The following EVA1C variants were observed in gnomAD, a reference collection of about 807,000 sequenced individuals.
The protein encoded by EVA1C is eva-1 homolog C.
In EVA1C, 25 loss-of-function variants were observed where a neutral mutation model predicts 45.4. That is an observed-to-expected ratio of 0.55 (90% CI 0.40 to 0.77). EVA1C has a LOEUF of 0.77. Ranked by LOEUF, EVA1C falls within the 30% of genes least tolerant of loss-of-function variation. The pLI is 0.00. For synonymous variants in EVA1C, 190 were observed against 221.2 expected, an observed-to-expected ratio of 0.86 and a Z score of 1.25; for missense variants, 479 against 554.8, an observed-to-expected ratio of 0.86 and a Z score of 1.37.
chr21:32,458,305 C>A (rs911426620), intron 3 of EVA1C, among the ~76,000 whole-genome samples: 1 of 152,102 alleles, frequency 6.6e-6, no homozygotes, highest in African/African-American at 2.4e-5. Context: ...ATTTCTAATA[C>A]GCATCAGCTT....
chr21:32,470,961 G>A (rs2146313106), intron 4 of EVA1C, among the ~76,000 whole-genome samples: 1 of 152,044 alleles, frequency 6.6e-6, no homozygotes, highest in Admixed American at 6.6e-5. Flanking sequence ...GTTGCACTGT[G>A]TTGGCCAGGC....
intron 7 of EVA1C, among the ~76,000 whole-genome samples, chr21:32,508,010 C>G (rs1306533470): frequency 6.7e-6 from 1 of 149,972 alleles, no homozygotes; most frequent in Non-Finnish European, 1.5e-5. Context: ...TGTGTGTACG[C>G]ATGCATGTGT....
intron 7 of EVA1C, among the ~76,000 whole-genome samples, chr21:32,507,959 G>A (rs987955908): frequency 6.7e-6 from 1 of 150,030 alleles, no homozygotes; most frequent in Non-Finnish European, 1.5e-5. Flanking sequence ...TTGTGTGTGT[G>A]TGTATCTGTA....
intron 3 of EVA1C, among the ~76,000 whole-genome samples, chr21:32,458,907 T>G (rs2035892451): frequency 6.6e-6 from 1 of 151,948 alleles, no homozygotes; most frequent in Non-Finnish European, 1.5e-5. Context: ...CAGACTTATG[T>G]GGGGAGAGGT....
At chr21:32,437,980 G>A (rs2035026802) in intron 1 of EVA1C, among the ~76,000 whole-genome samples, 1 of 152,276 alleles carries the variant, frequency 6.6e-6, no homozygotes, top group South Asian at 2.1e-4. Context: ...CACGGCCCCC[G>A]GTCTTTCCTG....
At chr21:32,477,021 G>A (rs1401604965) in intron 4 of EVA1C, among the ~76,000 whole-genome samples, 2 of 152,012 alleles carry the variant, frequency 1.3e-5, no homozygotes, top group Non-Finnish European at 2.9e-5. Flanking sequence ...CTTCCCAACC[G>A]CCCCATCATC....
rs34623485 is a variant in EVA1C at position 32,467,905 on chromosome 21, A to AATATAT, written c.634+68_634+73dup. The AATATAT allele has an allele frequency of 2.5e-3, 2,563 of 1,024,982 alleles. 48 individuals carry two copies. The Admixed American group carries it at 0.029, about 12-fold the overall frequency. 63.5% of individuals were successfully genotyped at this position (1,024,982 alleles called of 1,614,324 possible). A position where few individuals can be genotyped will look rare whatever the true frequency, so the allele number is the denominator to read the frequency against. ...TTCTCTAGAGGGACAGAATTAATAG[A>AATATAT]ATATATATATATATATCCTATATAT... On this transcript the variant is annotated intron_variant, in intron 4 of 7. Coordinates refer to ENST00000300255, the MANE Select transcript of EVA1C (RefSeq NM_058187.5).
At chr21:32,490,203 A>C (rs924317969) in intron 4 of EVA1C, among the ~76,000 whole-genome samples, 2 of 152,012 alleles carry the variant, frequency 1.3e-5, no homozygotes, top group African/African-American at 4.8e-5. Context: ...TGACAATCGC[A>C]ACTCAAAACC....
chr21:32,498,685 C>G (rs1214723230), intron 5 of EVA1C, among the ~76,000 whole-genome samples: 1 of 152,114 alleles, frequency 6.6e-6, no homozygotes, highest in Non-Finnish European at 1.5e-5. Context: ...TAGCTGCACA[C>G]TAGCTGCACA....
intron 3 of EVA1C, among the ~76,000 whole-genome samples, chr21:32,461,146 G>A (rs2146280352): frequency 6.6e-6 from 1 of 152,346 alleles, no homozygotes; most frequent in South Asian, 2.1e-4. Flanking sequence ...CAGAAAGAGT[G>A]CTCCATACGG....
chr21:32,500,190 A>ATTTTTT (rs538897939), intron 5 of EVA1C, among the ~76,000 whole-genome samples: 14 of 91,094 alleles, frequency 1.5e-4, no homozygotes, highest in Non-Finnish European at 2.4e-4. Flanking sequence ...TAACCACCCT[A>ATTTTTT]TTTTTTTTTT....
At chr21:32,441,986 CT>C (rs1419484524) in intron 1 of EVA1C, among the ~76,000 whole-genome samples, 2 of 152,138 alleles carry the variant, frequency 1.3e-5, no homozygotes, top group Non-Finnish European at 2.9e-5. Flanking sequence ...CACAAGGGGT[CT>C]CAAGGGCCAG....
chr21:32,476,813 A>T (rs1172291447), intron 4 of EVA1C, among the ~76,000 whole-genome samples: 1 of 151,892 alleles, frequency 6.6e-6, no homozygotes, highest in Non-Finnish European at 1.5e-5. Context: ...TGGGACACAC[A>T]CTCCTGAGCA....
chr21:32,477,711 ACGCCC>A (rs1344343798), intron 4 of EVA1C, among the ~76,000 whole-genome samples: 1 of 64,226 alleles, frequency 1.6e-5, no homozygotes, highest in Admixed American at 2.1e-4. Flanking sequence ...CCTCCCCCGT[ACGCCC>A]TCACCTCCCC....
At chr21:32,425,921 G>A (rs1193632802) in intron 1 of EVA1C, among the ~76,000 whole-genome samples, 6 of 151,738 alleles carry the variant, frequency 4.0e-5, no homozygotes, top group South Asian at 2.1e-4. Context: ...ATTTGTCCTT[G>A]TTTTATTTTC....
chr21:32,412,937 G>C lies in EVA1C; in HGVS notation c.84G>C (p.Pro28=). 1 of 1,540,634 alleles carries C rather than the reference G, an allele frequency of 6.5e-7. No individual in the cohort carries two copies. Among genetic ancestry groups the C allele is most frequent in the Non-Finnish European group, 8.7e-7 (1 of 1,146,000 alleles). Residue 28 remains proline, a synonymous_variant, in exon 1 of 8, where the codon CCG becomes CCC. Coordinates refer to ENST00000300255, the MANE Select transcript of EVA1C (RefSeq NM_058187.5). Reference sequence around the variant, plus strand: ...GCCTCCGCCGGCAGGTAGAGCCGCCGGGGCAGCTCCTGCGCCTCTTCTACT... The same window carrying C: ...GCCTCCGCCGGCAGGTAGAGCCGCCCGGGCAGCTCCTGCGCCTCTTCTACT... ...HPGLRRQVEP[P]GQLLRLFYCT...
chr21:32,430,973 A>AG, intron 1 of EVA1C, among the ~76,000 whole-genome samples: 1 of 65,540 alleles, frequency 1.5e-5, no homozygotes, highest in African/African-American at 1.1e-4. Flanking sequence ...ACTTGGTCTC[A>AG]AAAAAAAAAA....
intron 5 of EVA1C, 39 bp downstream of exon 5, chr21:32,495,209 C>T (rs755880935): frequency 6.2e-7 from 1 of 1,604,606 alleles, no homozygotes; most frequent in South Asian, 1.1e-5. Flanking sequence ...GATGACACTG[C>T]CTCTTTTGGG....
intron 3 of EVA1C, among the ~76,000 whole-genome samples, chr21:32,464,079 C>T (rs966777126): frequency 6.6e-6 from 1 of 152,144 alleles, no homozygotes; most frequent in Non-Finnish European, 1.5e-5. Context: ...AATGCCAGTG[C>T]GGATATGACT....
Sources: allele counts gnomAD v4.1 joint callset (sites outside exome capture counted in the v4.1 genomes callset), GRCh38; gene constraint gnomAD v4.1.1; transcripts MANE v1.5; gene names NCBI Gene and HGNC (gene_info 2026-07-23, HGNC 2026-07-21).